The following FGF12 variants were observed in gnomAD, a reference collection of about 807,000 sequenced individuals.
The protein encoded by FGF12 is fibroblast growth factor 12.
In FGF12, 14 loss-of-function variants were observed where a neutral mutation model predicts 23.6. The observed-to-expected ratio is 0.59, with a 90% CI of 0.39 to 0.93. The LOEUF is 0.93. Ranked by LOEUF, FGF12 falls within the 40% of genes least tolerant of loss-of-function variation. FGF12 has a pLI of 0.00. For missense variants in FGF12, 175 were observed against 217.8 expected (o/e 0.80, Z 1.24); for synonymous variants, 62 against 77.3 (o/e 0.80, Z 1.04).
chr3:192,242,230 T>C (rs1719650820), intron 4 of FGF12, among the ~76,000 whole-genome samples: 1 of 152,034 alleles, frequency 6.6e-6, no homozygotes, highest in Non-Finnish European at 1.5e-5. Context: ...TTTGAAAAAA[T>C]ATAATAATAT....
Position 192,295,237 on chromosome 3 carries a change from G to C in FGF12, c.228+40124C>G, listed in dbSNP as rs141246700. Among the ~76,000 whole-genome samples, 1,107 of 152,234 alleles carry C rather than the reference G, an allele frequency of 7.3e-3. 13 individuals are homozygous for C. The highest frequency in any genetic ancestry group is 0.025 in the African/African-American group (1,035 of 41,538). On this transcript the variant is annotated intron_variant, in intron 4 of 5. Transcript: ENST00000445105. ...TACTTTTTGGTGTGGGTCAGTGGCAGGATTGGAACTAGTAATTGGATTTCC... is the reference window on the plus strand; with the variant it reads ...TACTTTTTGGTGTGGGTCAGTGGCACGATTGGAACTAGTAATTGGATTTCC...
chr3:192,281,623 G>A (rs1371794453), intron 4 of FGF12, among the ~76,000 whole-genome samples: 1 of 152,042 alleles, frequency 6.6e-6, no homozygotes, highest in East Asian at 1.9e-4. Context: ...ATGTCTCCAT[G>A]CTGCCGAAGG....
chr3:192,352,973 G>C (rs992758056), intron 3 of FGF12, among the ~76,000 whole-genome samples: 1 of 152,056 alleles, frequency 6.6e-6, no homozygotes, highest in African/African-American at 2.4e-5. Flanking sequence ...CAGAACAAAG[G>C]GTATTTAGGG....
At chr3:192,550,184 C>T (rs1410101820) in intron 2 of FGF12, among the ~76,000 whole-genome samples, 1 of 150,872 alleles carries the variant, frequency 6.6e-6, no homozygotes, top group African/African-American at 2.4e-5. Flanking sequence ...CTTGAGTGAG[C>T]CACAGGATGT....
At chr3:192,247,737 A>G (rs1266500985) in intron 4 of FGF12, among the ~76,000 whole-genome samples, 1 of 152,218 alleles carries the variant, frequency 6.6e-6, no homozygotes, top group Non-Finnish European at 1.5e-5. Flanking sequence ...TAGAAAAAAC[A>G]GTCAACAGCT....
chr3:192,567,735 C>CTCTTTCTT (rs58243923), intron 2 of FGF12, among the ~76,000 whole-genome samples: 5,357 of 125,954 alleles, frequency 0.043, 185 homozygotes, highest in East Asian at 0.063. Context: ...CTCCATGTGT[C>CTCTTTCTT]TCTTTCTTTC....
intron 2 of FGF12, among the ~76,000 whole-genome samples, chr3:192,505,821 G>A (rs1015850010): frequency 1.3e-5 from 2 of 152,176 alleles, no homozygotes; most frequent in African/African-American, 4.8e-5. Flanking sequence ...GTAACAGCCT[G>A]CTAAGTGGCC....
intron 2 of FGF12, among the ~76,000 whole-genome samples, chr3:192,579,336 T>A (rs1200374014): frequency 1.3e-5 from 2 of 152,010 alleles, no homozygotes; most frequent in Admixed American, 6.6e-5. Flanking sequence ...CACACATACA[T>A]ACACACACAC....
intron 4 of FGF12, among the ~76,000 whole-genome samples, chr3:192,207,673 A>G (rs866015929): frequency 4.3e-4 from 65 of 152,204 alleles, no homozygotes; most frequent in African/African-American, 1.5e-3. Flanking sequence ...AGGGCTTGGC[A>G]TTTATCCAGC....
intron 2 of FGF12, among the ~76,000 whole-genome samples, chr3:192,681,568 TA>T (rs1395916814): frequency 1.3e-5 from 2 of 152,184 alleles, no homozygotes; most frequent in African/African-American, 4.8e-5. Context: ...TACCAATCTC[TA>T]AAAATCCCTG....
At chr3:192,599,990 A>C (rs772444670) in intron 2 of FGF12, among the ~76,000 whole-genome samples, 2 of 151,818 alleles carry the variant, frequency 1.3e-5, no homozygotes, top group Admixed American at 1.3e-4. Context: ...TGTTTTCTCT[A>C]TGTTTTCTTC....
chr3:192,628,486 C>G (rs1048250863), intron 2 of FGF12, among the ~76,000 whole-genome samples: 111 of 102,474 alleles, frequency 1.1e-3, no homozygotes, highest in Admixed American at 2.1e-3. Flanking sequence ...CACACACACA[C>G]AGACATATAT....
intron 2 of FGF12, among the ~76,000 whole-genome samples, chr3:192,369,685 A>C (rs1404317509): frequency 6.6e-6 from 1 of 152,174 alleles, no homozygotes; most frequent in Non-Finnish European, 1.5e-5. Flanking sequence ...TGCTCATGAA[A>C]ATTTAAAATA....
intron 2 of FGF12, among the ~76,000 whole-genome samples, chr3:192,628,102 T>C (rs1196763435): frequency 1.3e-5 from 2 of 152,198 alleles, no homozygotes; most frequent in Non-Finnish European, 2.9e-5. Flanking sequence ...GATTATACAG[T>C]AAATAACCTT....
intron 2 of FGF12, among the ~76,000 whole-genome samples, chr3:192,368,149 T>C (rs1719068688): frequency 1.3e-5 from 2 of 152,148 alleles, no homozygotes; most frequent in South Asian, 4.2e-4. Flanking sequence ...AAAACCAGAC[T>C]TTCATGGGAT....
intron 2 of FGF12, among the ~76,000 whole-genome samples, chr3:192,532,559 T>C (rs4687343): frequency 0.64 from 97,923 of 151,950 alleles, 32,223 homozygotes; most frequent in East Asian, 0.86. Context: ...TTGTCGTTGT[T>C]GGTGTATAGC....
intron 2 of FGF12, among the ~76,000 whole-genome samples, chr3:192,566,832 A>G (rs1043530809): frequency 1.3e-5 from 2 of 152,320 alleles, no homozygotes; most frequent in African/African-American, 4.8e-5. Context: ...ACTATTAAAT[A>G]TAAGAACCAA....
intron 4 of FGF12, among the ~76,000 whole-genome samples, chr3:192,304,944 A>C (rs1337565753): frequency 6.6e-6 from 1 of 152,182 alleles, no homozygotes; most frequent in Non-Finnish European, 1.5e-5. Flanking sequence ...CTTTGTACAC[A>C]GTAGTACATG....
rs544108480 is a variant in FGF12 at position 192,613,977 on chromosome 3, T to C, written c.13+113204A>G. On this transcript the variant is annotated intron_variant, in intron 2 of 5. Coordinates refer to ENST00000445105, the MANE Select transcript of FGF12 (RefSeq NM_004113.6). ...CTTGGAATGATGGATGGGTTTCTTA[T>C]TGAATCAAAGTCATAAGAGCATGCT... 1.2e-3 allele frequency among the ~76,000 whole-genome samples: 183 copies of C among 152,006 alleles called. No homozygotes were observed. In the South Asian group the frequency reaches 0.022, roughly 18 times the overall value.
Sources: allele counts gnomAD v4.1 joint callset (sites outside exome capture counted in the v4.1 genomes callset), GRCh38; gene constraint gnomAD v4.1.1; transcripts MANE v1.5; gene names NCBI Gene and HGNC (gene_info 2026-07-23, HGNC 2026-07-21).